Variants in NXPE4 observed in about 807,000 individuals in gnomAD.
NXPE4 encodes the protein neurexophilin and PC-esterase domain family member 4.
NXPE4 carries 42 observed loss-of-function variants against 33.3 expected under a neutral mutation model. The ratio of observed to expected loss-of-function variants is 1.26; its 90% CI spans 0.98 to 1.63. The LOEUF (loss-of-function observed/expected upper bound fraction) is 1.63. Among genes scored for constraint, NXPE4 ranks in the 40% most tolerant of loss-of-function variants. NXPE4 has a pLI of 0.00. For synonymous variants in NXPE4, 253 were observed against 234.9 expected (o/e 1.08, Z -0.71); for missense variants, 709 against 647.6 (o/e 1.09, Z -1.03).
At chr11:114,676,734 A>G in the NXPE4 span, among the ~76,000 whole-genome samples, 1 of 152,104 alleles carries the variant, frequency 6.6e-6, no homozygotes, top group Non-Finnish European at 1.5e-5. Flanking sequence ...ATACTGTATG[A>G]TCCAGCAATC....
chr11:114,617,300 C>A, the NXPE4 span, among the ~76,000 whole-genome samples: 1 of 137,414 alleles, frequency 7.3e-6, no homozygotes, highest in Admixed American at 7.2e-5. Context: ...CATTACCCAC[C>A]AGATACTAAG....
chr11:114,656,560 A>C, the NXPE4 span, among the ~76,000 whole-genome samples: 1 of 152,066 alleles, frequency 6.6e-6, no homozygotes, highest in Non-Finnish European at 1.5e-5. Flanking sequence ...CCTCAAAGAG[A>C]TGTTGTGATA....
chr11:114,644,117 C>G, the NXPE4 span, among the ~76,000 whole-genome samples: 1 of 152,128 alleles, frequency 6.6e-6, no homozygotes, highest in African/African-American at 2.4e-5. Context: ...TATCCTGAGA[C>G]TTTGCTGAAG....
chr11:114,630,467 C>T, the NXPE4 span, among the ~76,000 whole-genome samples: 1 of 151,610 alleles, frequency 6.6e-6, no homozygotes, highest in African/African-American at 2.4e-5. Context: ...ACTGGCTAGC[C>T]ATATGTAGAA....
chr11:114,617,297 C>T, the NXPE4 span, among the ~76,000 whole-genome samples: 1 of 151,180 alleles, frequency 6.6e-6, no homozygotes, highest in African/African-American at 2.4e-5. Flanking sequence ...CACCATTACC[C>T]ACCAGATACT....
chr11:114,654,672 A>G, the NXPE4 span, among the ~76,000 whole-genome samples: 9 of 152,226 alleles, frequency 5.9e-5, no homozygotes, highest in Non-Finnish European at 1.0e-4. Context: ...ATGGATGCAT[A>G]GTATTCCATG....
chr11:114,587,967 G>A (rs1310616654), intron 2 of NXPE4, among the ~76,000 whole-genome samples: 1 of 152,160 alleles, frequency 6.6e-6, no homozygotes. Context: ...GATATTTTCT[G>A]TAGATGGGAC....
chr11:114,625,464 G>T, the NXPE4 span, among the ~76,000 whole-genome samples: 1 of 152,056 alleles, frequency 6.6e-6, no homozygotes, highest in African/African-American at 2.4e-5. Context: ...GGTAACCACT[G>T]TCACCCGGTG....
At chr11:114,654,029 A>G in the NXPE4 span, among the ~76,000 whole-genome samples, 3 of 152,204 alleles carry the variant, frequency 2.0e-5, 1 homozygote, top group Admixed American at 2.0e-4. Flanking sequence ...GCATGAACAT[A>G]GGAAAATCAA....
the NXPE4 span, among the ~76,000 whole-genome samples, chr11:114,650,820 C>CA: frequency 4.9e-4 from 74 of 150,654 alleles, no homozygotes; most frequent in African/African-American, 1.7e-3. Flanking sequence ...TTGCCAAAGA[C>CA]AAAGGCTGGA....
chr11:114,630,724 G>C, the NXPE4 span, among the ~76,000 whole-genome samples: 7 of 151,490 alleles, frequency 4.6e-5, no homozygotes, highest in Admixed American at 4.6e-4. Flanking sequence ...ACTACCATCA[G>C]AGTGAACAGG....
At chr11:114,617,253 C>T in the NXPE4 span, among the ~76,000 whole-genome samples, 14 of 151,926 alleles carry the variant, frequency 9.2e-5, no homozygotes, top group South Asian at 2.7e-3. Flanking sequence ...ACCACTGTTA[C>T]CTGGTGGATG....
intron 2 of NXPE4, among the ~76,000 whole-genome samples, chr11:114,590,849 G>A (rs1162961262): frequency 1.3e-5 from 2 of 152,150 alleles, no homozygotes; most frequent in Non-Finnish European, 2.9e-5. Flanking sequence ...AATGTAGCAG[G>A]ATTGCTGTCT....
chr11:114,644,996 T>C, the NXPE4 span, among the ~76,000 whole-genome samples: 1 of 151,744 alleles, frequency 6.6e-6, no homozygotes, highest in Non-Finnish European at 1.5e-5. Context: ...TAAATGATTA[T>C]TCACACTATT....
chr11:114,642,949 C>T, the NXPE4 span, among the ~76,000 whole-genome samples: 10 of 152,060 alleles, frequency 6.6e-5, no homozygotes, highest in South Asian at 2.1e-4. Context: ...TTTTAATGAT[C>T]GCCATTCTAA....
chr11:114,628,217 A>AT, the NXPE4 span, among the ~76,000 whole-genome samples: 1 of 143,624 alleles, frequency 7.0e-6, no homozygotes. Context: ...CAGAATATAC[A>AT]TTTTTTTCAG....
the NXPE4 span, among the ~76,000 whole-genome samples, chr11:114,663,188 A>C: frequency 6.1e-3 from 931 of 152,264 alleles, 8 homozygotes; most frequent in Non-Finnish European, 8.3e-3. Flanking sequence ...CTATGACAGC[A>C]GCCACAGGTT....
At chr11:114,615,373 CG>C in the NXPE4 span, among the ~76,000 whole-genome samples, 1 of 151,614 alleles carries the variant, frequency 6.6e-6, no homozygotes. Flanking sequence ...CACTGTTACC[CG>C]GTGGATAATA....
In NXPE4 at chr11:114,582,679, G is replaced by A; in HGVS notation, c.439C>T (p.Leu147=). The A allele has an allele frequency of 6.2e-7, 1 of 1,614,178 alleles. No individual in the cohort carries two copies. Reference sequence around the variant, plus strand: ...ACCTTTCCTGAAGCACCTGCCATCAGCGCTGGGGAAGACATCCTGGCCCTC... The same window carrying A: ...ACCTTTCCTGAAGCACCTGCCATCAACGCTGGGGAAGACATCCTGGCCCTC... ...FLRARMSSPA[L]MAGASGKVTD... is the part of the protein sequence containing the mutation. The change falls in exon 3 of 6, where the codon CTG becomes TTG. Residue 147 remains leucine, a synonymous_variant. Transcript: ENST00000375478.
Sources: gnomAD v4.1 joint callset for allele counts (sites outside exome capture counted in the v4.1 genomes callset) on GRCh38, gnomAD v4.1.1 for gene constraint, MANE v1.5 for transcripts, NCBI Gene and HGNC (gene_info 2026-07-23, HGNC 2026-07-21) for gene names.